Variants in LARGE1 observed in about 807,000 individuals in gnomAD.
The protein encoded by LARGE1 is xylosyl- and glucuronyltransferase LARGE1.
LARGE1 carries 43 observed loss-of-function variants against 87.6 expected under a neutral mutation model. The observed-to-expected ratio is 0.49, with a 90% CI of 0.38 to 0.63. The LOEUF (loss-of-function observed/expected upper bound fraction) is 0.63. Ranked by LOEUF, LARGE1 falls within the 30% of genes least tolerant of loss-of-function variation. LARGE1 has a pLI of 0.00. For synonymous variants in LARGE1, 434 were observed against 394.6 expected, an observed-to-expected ratio of 1.10 and a Z score of -1.18; for missense variants, 802 against 1,000.2, an observed-to-expected ratio of 0.80 and a Z score of 2.67.
At chr22:33,328,609 A>AT (rs199516908) in intron 10 of LARGE1, among the ~76,000 whole-genome samples, 2 of 147,518 alleles carry the variant, frequency 1.4e-5, no homozygotes, top group Non-Finnish European at 3.0e-5. Context: ...AATAATAATA[A>AT]AATAAAACAA....
At chr22:33,225,571 TA>T (rs1385802659) in intron 11 of LARGE1, among the ~76,000 whole-genome samples, 2 of 152,228 alleles carry the variant, frequency 1.3e-5, no homozygotes, top group Non-Finnish European at 2.9e-5. Context: ...TTTCTTTTTT[TA>T]AACTTTTATC....
At chr22:33,812,488 CTG>C (rs2086526606) in intron 1 of LARGE1, among the ~76,000 whole-genome samples, 1 of 152,232 alleles carries the variant, frequency 6.6e-6, no homozygotes, top group South Asian at 2.1e-4. Context: ...CCTAGGAAAA[CTG>C]AGATTCAAAC....
At chr22:33,470,527 T>C (rs1219977672) in intron 6 of LARGE1, among the ~76,000 whole-genome samples, 2 of 152,204 alleles carry the variant, frequency 1.3e-5, no homozygotes, top group African/African-American at 4.8e-5. Flanking sequence ...CACGTTCTCC[T>C]CTCTGTCAAA....
At chr22:33,076,692 A>G in the LARGE1 span, among the ~76,000 whole-genome samples, 1 of 152,080 alleles carries the variant, frequency 6.6e-6, no homozygotes, top group Non-Finnish European at 1.5e-5. Flanking sequence ...AAGCCTACAG[A>G]TCTGTCCAAT....
chr22:33,255,376 G>T (rs1927211192), intron 11 of LARGE1, among the ~76,000 whole-genome samples: 1 of 152,180 alleles, frequency 6.6e-6, no homozygotes, highest in African/African-American at 2.4e-5. Context: ...AGGAAAAATG[G>T]AACAACGCGT....
intron 7 of LARGE1, among the ~76,000 whole-genome samples, chr22:33,409,502 AC>A (rs2066228929): frequency 6.6e-6 from 1 of 152,152 alleles, no homozygotes; most frequent in Admixed American, 6.5e-5. Context: ...TGTAGCTGTT[AC>A]TTGACAGTCA....
At chr22:33,700,814 G>A (rs1485739684) in intron 2 of LARGE1, among the ~76,000 whole-genome samples, 2 of 152,224 alleles carry the variant, frequency 1.3e-5, no homozygotes, top group Non-Finnish European at 2.9e-5. Context: ...GTTCTGGGAA[G>A]AGTGGGTAGC....
At chr22:33,920,743 C>T (rs1168253041), upstream of LARGE1, among the ~76,000 whole-genome samples, 14 of 143,720 alleles carry the variant, frequency 9.7e-5, no homozygotes, top group Non-Finnish European at 1.7e-4. Flanking sequence ...CGGGAGCGCT[C>T]GCCGGCCTTG....
At chr22:33,582,093 G>A (rs1303298667) in intron 5 of LARGE1, among the ~76,000 whole-genome samples, 1 of 152,144 alleles carries the variant, frequency 6.6e-6, no homozygotes, top group Non-Finnish European at 1.5e-5. Context: ...AGGACCCCTG[G>A]CAATACTTGG....
At chr22:33,557,831 T>C (rs1170280830) in intron 6 of LARGE1, among the ~76,000 whole-genome samples, 1 of 152,138 alleles carries the variant, frequency 6.6e-6, no homozygotes, top group African/African-American at 2.4e-5. Flanking sequence ...CCTCCTGAAG[T>C]GCTGGGATTA....
At chr22:33,484,857 T>C (rs190893990) in intron 6 of LARGE1, among the ~76,000 whole-genome samples, 169 of 152,214 alleles carry the variant, frequency 1.1e-3, no homozygotes, top group African/African-American at 3.8e-3. Flanking sequence ...TTGTCACTAT[T>C]GTCACTTATT....
intron 5 of LARGE1, among the ~76,000 whole-genome samples, chr22:33,601,162 T>A (rs1053265937): frequency 6.6e-6 from 1 of 152,186 alleles, no homozygotes; most frequent in Non-Finnish European, 1.5e-5. Context: ...GTGGCATGAC[T>A]GCGCTTGTTT....
chr22:33,287,436 G>A (rs991583233), intron 12 of LARGE1, among the ~76,000 whole-genome samples: 59 of 152,296 alleles, frequency 3.9e-4, no homozygotes, highest in African/African-American at 1.4e-3. Flanking sequence ...CACAAAGATG[G>A]ATCTGTCACC....
intron 11 of LARGE1, among the ~76,000 whole-genome samples, chr22:33,251,002 T>C (rs1215314950): frequency 6.6e-6 from 1 of 152,208 alleles, no homozygotes; most frequent in Non-Finnish European, 1.5e-5. Context: ...AGGGTCATGC[T>C]TGCCTCATAG....
rs1020678101 is a variant in LARGE1 at position 33,253,776 on chromosome 22, G to C, written c.1730+50453C>G. Among the ~76,000 whole-genome samples, 3 of 152,260 alleles carry C rather than the reference G, an allele frequency of 2.0e-5. No homozygotes were observed. In the South Asian group the frequency reaches 6.2e-4, roughly 32 times the overall value. On this transcript the variant is annotated intron_variant, in intron 11 of 11. Coordinates refer to the LARGE1 transcript ENST00000608642. ...CTGAGGATGGGGCTGCACCTCGGAG[G>C]GGAAGGCTGCCTCCTTAGTCTGAGA...
chr22:33,688,444 T>C (rs1299865168), intron 2 of LARGE1, among the ~76,000 whole-genome samples: 3 of 152,058 alleles, frequency 2.0e-5, no homozygotes, highest in Admixed American at 2.0e-4. Flanking sequence ...CTCTGCCTCC[T>C]GGGTTCAAGC....
At chr22:33,738,086 T>G (rs2083723904) in intron 2 of LARGE1, among the ~76,000 whole-genome samples, 1 of 152,188 alleles carries the variant, frequency 6.6e-6, no homozygotes. Context: ...TTTTATTTCT[T>G]ACAATAATAC....
intron 2 of LARGE1, among the ~76,000 whole-genome samples, chr22:33,705,526 T>C (rs1403540685): frequency 6.6e-6 from 1 of 152,186 alleles, no homozygotes; most frequent in Non-Finnish European, 1.5e-5. Flanking sequence ...TCTTTTCCAA[T>C]ACCACACAAT....
chr22:33,245,539 G>C (rs980318480), intron 11 of LARGE1, among the ~76,000 whole-genome samples: 3 of 152,166 alleles, frequency 2.0e-5, no homozygotes, highest in Non-Finnish European at 4.4e-5. Flanking sequence ...GATTGTACTG[G>C]TGAAGCCATG....
Sources: allele counts gnomAD v4.1 joint callset (sites outside exome capture counted in the v4.1 genomes callset), GRCh38; gene constraint gnomAD v4.1.1; transcripts MANE v1.5; gene names NCBI Gene and HGNC (gene_info 2026-07-23, HGNC 2026-07-21).